The following BLMH variants were observed in gnomAD, a reference collection of about 807,000 sequenced individuals.
BLMH encodes the protein BLM hydrolase.
Under a neutral mutation model 61.6 loss-of-function variants are expected in BLMH, and 32 were observed. That is an observed-to-expected ratio of 0.52 (90% CI 0.39 to 0.70). The LOEUF (loss-of-function observed/expected upper bound fraction) is 0.70, where lower values mean the gene tolerates loss of function less well. BLMH is among the 30% of genes least tolerant of loss of function. The probability of loss-of-function intolerance (pLI) is 0.00; values close to 1 mark genes in which losing one functional copy is unlikely to be tolerated. For missense variants in BLMH, 460 were observed against 555.5 expected, an observed-to-expected ratio of 0.83 and a Z score of 1.73; for synonymous variants, 183 against 193.8, an observed-to-expected ratio of 0.94 and a Z score of 0.46.
At chr17:30,285,878 C>T (rs1908713408) in intron 5 of BLMH, among the ~76,000 whole-genome samples, 1 of 152,088 alleles carries the variant, frequency 6.6e-6, no homozygotes, top group Non-Finnish European at 1.5e-5. Flanking sequence ...GTCCATTTTT[C>T]CTTCTCTGCC....
At chr17:30,259,761 C>T (rs1907908661) in intron 11 of BLMH, among the ~76,000 whole-genome samples, 1 of 152,162 alleles carries the variant, frequency 6.6e-6, no homozygotes. Flanking sequence ...TGCATCCCAT[C>T]AATAAATAAA....
intron 11 of BLMH, among the ~76,000 whole-genome samples, chr17:30,256,121 A>G (rs1206983982): frequency 2.6e-5 from 4 of 152,238 alleles, no homozygotes; most frequent in Admixed American, 6.5e-5. Flanking sequence ...TCCTGGGCTC[A>G]AGCAATCCTC....
At chr17:30,288,984 T>C (rs902959511) in intron 3 of BLMH, among the ~76,000 whole-genome samples, 2 of 151,832 alleles carry the variant, frequency 1.3e-5, no homozygotes, top group Admixed American at 6.6e-5. Context: ...AATAAACAAA[T>C]AAACAATCAA....
chr17:30,276,273 AT>A (rs1908422356), intron 6 of BLMH, among the ~76,000 whole-genome samples: 2 of 152,220 alleles, frequency 1.3e-5, no homozygotes, highest in Admixed American at 1.3e-4. Flanking sequence ...GGTGGATATT[AT>A]CCCCCTTTTA....
Position 30,248,452 on chromosome 17 carries a change from C to T in BLMH, c.*565G>A, listed in dbSNP as rs528729337. On this transcript the variant is annotated 3_prime_UTR_variant, in exon 12 of 12. Coordinates refer to ENST00000261714, the MANE Select transcript of BLMH (RefSeq NM_000386.4). ...GATGTGCACACCCCACAGTTCAGAA[C>T]AGGAAGGAATCATGTCAGATCTGAT... 3 of 152,802 alleles carry T rather than the reference C, an allele frequency of 2.0e-5. No homozygotes were observed. The highest frequency in any genetic ancestry group is 4.1e-4 in the South Asian group (2 of 4,822). 9.5% of individuals were successfully genotyped at this position (152,802 alleles called of 1,614,324 possible). A position where few individuals can be genotyped will look rare whatever the true frequency, so the allele number is the denominator to read the frequency against.
At chr17:30,269,264 G>C (rs555145907) in intron 10 of BLMH, among the ~76,000 whole-genome samples, 17 of 144,232 alleles carry the variant, frequency 1.2e-4, no homozygotes, top group Admixed American at 1.0e-3. Context: ...TGCAACCTCC[G>C]CTTCCCGGGT....
chr17:30,282,225 T>G (rs968849122), intron 6 of BLMH, among the ~76,000 whole-genome samples: 9 of 148,256 alleles, frequency 6.1e-5, no homozygotes, highest in African/African-American at 1.8e-4. Flanking sequence ...CAAGGTTTTT[T>G]TTTTTTTTTT....
At chr17:30,290,932 G>T in intron 2 of BLMH, 1 of 207,674 alleles carries the variant, frequency 4.8e-6, no homozygotes, top group Non-Finnish European at 9.9e-6. Context: ...TCATAGTATA[G>T]GGCCTTCAGG....
chr17:30,291,479 T>A lies in BLMH; in HGVS notation c.43A>T (p.Ile15Leu), dbSNP rs755077784. Residue 15 changes from isoleucine (I) to leucine (L), a missense_variant, in exon 2 of 12, where the codon ATA becomes TTA. Coordinates refer to ENST00000261714, the MANE Select transcript of BLMH (RefSeq NM_000386.4). ...GLNSEKVAALIQKLNSDPQFV... is the reference protein window; with the variant it reads ...GLNSEKVAALLQKLNSDPQFV... ...TGGGGGTCGGAATTCAGTTTCTGTATCAGAGCAGCTACCTTCTCCGAATTC... is the reference window on the plus strand; with the variant it reads ...TGGGGGTCGGAATTCAGTTTCTGTAACAGAGCAGCTACCTTCTCCGAATTC... 9.9e-6 allele frequency: 16 copies of A among 1,614,176 alleles called. No individual in the cohort carries two copies. Among genetic ancestry groups the A allele is most frequent in the East Asian group, 4.5e-5 (2 of 44,872 alleles).
At chr17:30,291,579 C>T (rs781366293) in intron 1 of BLMH, 71 bp from the exon 2 acceptor site, 8 of 1,570,260 alleles carry the variant, frequency 5.1e-6, no homozygotes, top group Non-Finnish European at 6.1e-6. Context: ...TCCCGCGTCC[C>T]GAATCTAACT....
intron 6 of BLMH, among the ~76,000 whole-genome samples, chr17:30,280,403 G>A (rs1258788073): frequency 6.6e-6 from 1 of 152,100 alleles, no homozygotes; most frequent in Non-Finnish European, 1.5e-5. Context: ...GTACAGTAAA[G>A]TCTAAAGCAC....
At chr17:30,256,003 T>C (rs1463458459) in intron 11 of BLMH, among the ~76,000 whole-genome samples, 4 of 152,150 alleles carry the variant, frequency 2.6e-5, no homozygotes, top group Non-Finnish European at 5.9e-5. Context: ...CCTCCCACCT[T>C]AGCCTCCCAA....
chr17:30,260,172 G>C (rs963910906), intron 11 of BLMH, among the ~76,000 whole-genome samples: 1 of 152,036 alleles, frequency 6.6e-6, no homozygotes, highest in African/African-American at 2.4e-5. Flanking sequence ...CAGGTTAAAT[G>C]CCAATGACCA....
intron 7 of BLMH, chr17:30,273,295 T>C (rs1295063361): frequency 5.9e-6 from 1 of 169,570 alleles, no homozygotes; most frequent in Non-Finnish European, 1.3e-5. Context: ...GCCTCCCAAG[T>C]AGCTGGGATT....
intron 11 of BLMH, among the ~76,000 whole-genome samples, chr17:30,263,955 A>C (rs1001151476): frequency 2.6e-5 from 4 of 152,244 alleles, no homozygotes; most frequent in African/African-American, 9.6e-5. Context: ...AAGAGAGCAT[A>C]AACAGAGGTC....
At chr17:30,264,256 T>C (rs936720575) in intron 11 of BLMH, among the ~76,000 whole-genome samples, 1 of 152,208 alleles carries the variant, frequency 6.6e-6, no homozygotes, top group African/African-American at 2.4e-5. Flanking sequence ...TTGCTGTGTA[T>C]AGTCACAGGC....
chr17:30,270,655 G>A (rs902058003), intron 10 of BLMH, among the ~76,000 whole-genome samples: 1 of 152,188 alleles, frequency 6.6e-6, no homozygotes, highest in Admixed American at 6.5e-5. Context: ...CCTGAGCACA[G>A]AGGTGAAAAT....
At chr17:30,259,743 C>T (rs1200735298) in intron 11 of BLMH, among the ~76,000 whole-genome samples, 4 of 152,148 alleles carry the variant, frequency 2.6e-5, no homozygotes, top group Non-Finnish European at 5.9e-5. Flanking sequence ...GGCCTATGCA[C>T]GGTTCCTTGC....
intron 11 of BLMH, among the ~76,000 whole-genome samples, chr17:30,259,335 T>G (rs1443925871): frequency 6.6e-6 from 1 of 152,128 alleles, no homozygotes; most frequent in Non-Finnish European, 1.5e-5. Context: ...AAAACTACCT[T>G]AAGTCCAACC....
Sources: gnomAD v4.1 joint callset for allele counts (sites outside exome capture counted in the v4.1 genomes callset) on GRCh38, gnomAD v4.1.1 for gene constraint, MANE v1.5 for transcripts, NCBI Gene and HGNC (gene_info 2026-07-23, HGNC 2026-07-21) for gene names.